The following AP2A2 variants were observed in gnomAD, a reference collection of about 807,000 sequenced individuals.
AP2A2 encodes AP-2 complex subunit alpha-2.
A neutral mutation model predicts 104.2 loss-of-function variants in AP2A2; 32 were observed. The observed-to-expected ratio is 0.31, with a 90% CI of 0.23 to 0.41. AP2A2 has a LOEUF of 0.41. Ranked by LOEUF, AP2A2 falls within the 10% of genes least tolerant of loss-of-function variation. AP2A2 has a pLI of 1.00. For synonymous variants in AP2A2, 539 were observed against 533.3 expected, an observed-to-expected ratio of 1.01 and a Z score of -0.15; for missense variants, 912 against 1,261.0, an observed-to-expected ratio of 0.72 and a Z score of 4.19.
At chr11:959,359 A>T (rs2134562357) in intron 1 of AP2A2, 78 bp from the exon 2 acceptor site, 1 of 993,394 alleles carries the variant, frequency 1.0e-6, no homozygotes, top group Non-Finnish European at 1.5e-6. Flanking sequence ...GTGAGTTCTG[A>T]GTGTCAGTCT....
chr11:967,713 G>C (rs1854668874), intron 2 of AP2A2, among the ~76,000 whole-genome samples: 1 of 152,070 alleles, frequency 6.6e-6, no homozygotes, highest in Non-Finnish European at 1.5e-5. Flanking sequence ...AGAGGTTAAG[G>C]AATACGTCTG....
rs781280980 is a variant in AP2A2, at chr11:1,008,154, C to T, written c.2420+19C>T. The stretch of plus-strand genomic sequence containing the variant: ...AGTTCAGGTAAGAGCCGCCTGTGCG[C>T]CCCGGGCCAAGGGGTGTGTGGGCGC... On this transcript the variant is annotated intron_variant, in intron 18 of 21. Coordinates refer to ENST00000448903, the MANE Select transcript of AP2A2 (RefSeq NM_012305.4). 1 of 1,584,316 alleles carries T rather than the reference C, an allele frequency of 6.3e-7. No individual in the cohort carries two copies. Among genetic ancestry groups the T allele is most frequent in the South Asian group, 1.2e-5 (1 of 86,046 alleles).
chr11:953,554 C>G (rs982395282), intron 1 of AP2A2, among the ~76,000 whole-genome samples: 10 of 151,970 alleles, frequency 6.6e-5, no homozygotes, highest in African/African-American at 2.2e-4. Flanking sequence ...AGCCCCCCCC[C>G]CCCATTGTCT....
chr11:1,008,276 G>A, intron 18 of AP2A2, 141 bp downstream of exon 18: 2 of 1,244,714 alleles, frequency 1.6e-6, no homozygotes, highest in East Asian at 5.5e-5. Context: ...TGCGGCCTGA[G>A]CTATTGCTGC....
At chr11:994,008 G>A in intron 13 of AP2A2, 23 bp downstream of exon 13, 2 of 1,609,074 alleles carry the variant, frequency 1.2e-6, no homozygotes, top group Non-Finnish European at 1.7e-6. Flanking sequence ...CGCCCTTCGG[G>A]CTGGCTTGGC....
At chr11:965,462 C>T (rs1854582370) in intron 2 of AP2A2, among the ~76,000 whole-genome samples, 1 of 152,234 alleles carries the variant, frequency 6.6e-6, no homozygotes, top group Admixed American at 6.5e-5. Flanking sequence ...TGATCTTTAT[C>T]CTTTAATGAG....
At chr11:990,237 C>T (rs1055912470) in intron 10 of AP2A2, among the ~76,000 whole-genome samples, 3 of 152,248 alleles carry the variant, frequency 2.0e-5, no homozygotes, top group East Asian at 1.9e-4. Context: ...GGGACAGGGA[C>T]GGGGTGGGCT....
chr11:985,697 C>T lies in AP2A2; in HGVS notation c.962+115C>T, dbSNP rs185908646. ...TTGTCCACTCCATGGGCCTCCCCTTCGTCCTGCCTCTGTGCTCCCTGCCGG... is the reference window on the plus strand; with the variant it reads ...TTGTCCACTCCATGGGCCTCCCCTTTGTCCTGCCTCTGTGCTCCCTGCCGG... On this transcript the variant is annotated intron_variant, in intron 8 of 21. Transcript: ENST00000448903. 8.3e-4 allele frequency: 1,186 copies of T among 1,423,700 alleles called. 3 individuals carry two copies. The African/African-American group carries it at 0.01, about 12-fold the overall frequency. 88.2% of individuals were successfully genotyped at this position (1,423,700 alleles called of 1,614,324 possible).
At chr11:988,752 C>T in intron 10 of AP2A2, 63 bp downstream of exon 10, 3 of 1,585,810 alleles carry the variant, frequency 1.9e-6, no homozygotes, top group Non-Finnish European at 2.6e-6. Context: ...GGCAGGATTT[C>T]CTTCGTGCTC....
intron 2 of AP2A2, among the ~76,000 whole-genome samples, chr11:966,556 A>G (rs931240574): frequency 6.6e-6 from 1 of 152,120 alleles, no homozygotes; most frequent in Admixed American, 6.5e-5. Context: ...TTTTACCGTG[A>G]GTTTGCTTGA....
At chr11:1,006,059 C>T (rs1223852622) in intron 16 of AP2A2, among the ~76,000 whole-genome samples, 2 of 152,226 alleles carry the variant, frequency 1.3e-5, no homozygotes, top group East Asian at 1.9e-4. Context: ...CGTGCCCAGC[C>T]GGGTCCCCTG....
intron 15 of AP2A2, 38 bp downstream of exon 15, chr11:1,000,636 G>T (rs1223540223): frequency 3.3e-6 from 5 of 1,520,862 alleles, no homozygotes; most frequent in Non-Finnish European, 4.4e-6. Flanking sequence ...CAGGCACGGG[G>T]CTGCCGTGCC....
At chr11:998,935 G>A (rs1001517223) in intron 14 of AP2A2, among the ~76,000 whole-genome samples, 1 of 152,086 alleles carries the variant, frequency 6.6e-6, no homozygotes, top group Non-Finnish European at 1.5e-5. Flanking sequence ...CTTGGGATCT[G>A]CCCCCCTCGG....
intron 14 of AP2A2, among the ~76,000 whole-genome samples, chr11:998,151 G>GAC (rs1395398613): frequency 6.6e-6 from 1 of 152,214 alleles, no homozygotes; most frequent in Non-Finnish European, 1.5e-5. Flanking sequence ...GTCTCATCGA[G>GAC]ACACGCCTTG....
intron 1 of AP2A2, among the ~76,000 whole-genome samples, chr11:944,854 T>C (rs896085506): frequency 3.1e-5 from 3 of 95,420 alleles, no homozygotes; most frequent in African/African-American, 8.4e-5. Context: ...ACAGCAATCC[T>C]GGGTGGAAAG....
intron 1 of AP2A2, among the ~76,000 whole-genome samples, chr11:930,989 C>A (rs985193223): frequency 6.6e-6 from 1 of 152,094 alleles, no homozygotes; most frequent in Non-Finnish European, 1.5e-5. Flanking sequence ...GTAACCGGTT[C>A]CCTACCTCAG....
In AP2A2 at chr11:968,997, G is replaced by C. The variant is rs1393011991; in HGVS notation, c.137-1172G>C. ...CAGTTGAGGTCGTCCGTGGAGGTGT[G>C]AGCGCCCCAGCCCTTCACAAGAAGG... On this transcript the variant is annotated intron_variant, in intron 2 of 21. Coordinates refer to ENST00000448903, the MANE Select transcript of AP2A2 (RefSeq NM_012305.4). The surrounding 1 kb of genome is among the most constrained non-coding windows in gnomAD (Gnocchi z 4.2). 6.6e-6 allele frequency among the ~76,000 whole-genome samples: 1 copy of C among 152,102 alleles called. No homozygotes were observed. Among genetic ancestry groups the C allele is most frequent in the Non-Finnish European group, 1.5e-5 (1 of 68,004 alleles).
At chr11:1,004,979 C>T (rs948559742) in intron 16 of AP2A2, among the ~76,000 whole-genome samples, 4 of 152,186 alleles carry the variant, frequency 2.6e-5, no homozygotes, top group Non-Finnish European at 5.9e-5. Context: ...AGTTCCACGT[C>T]TGGGTACAGA....
chr11:925,901 T>G lies in AP2A2; in HGVS notation c.-121T>G. The G allele has an allele frequency of 2.4e-5, 16 of 665,278 alleles. No homozygotes were observed. Among genetic ancestry groups the G allele is most frequent in the East Asian group, 4.0e-5 (1 of 25,002 alleles). 41.2% of individuals were successfully genotyped at this position (665,278 alleles called of 1,614,324 possible). A position where few individuals can be genotyped will look rare whatever the true frequency, so the allele number is the denominator to read the frequency against. On this transcript the variant is annotated 5_prime_UTR_variant, in exon 1 of 22. Transcript: ENST00000448903. ...CGGCGCTGGGACCCTGAGGCGGCCG[T>G]GGTTAGGCGGCTCCCCGGCGGCTCC...
Sources: allele counts gnomAD v4.1 joint callset (sites outside exome capture counted in the v4.1 genomes callset), GRCh38; gene constraint gnomAD v4.1.1; non-coding constraint Gnocchi (gnomAD v3.1); transcripts MANE v1.5; gene names NCBI Gene and HGNC (gene_info 2026-07-23, HGNC 2026-07-21).